MIPOL1: variants seen among roughly 807,000 people sequenced by gnomAD.
MIPOL1 encodes the protein mirror-image polydactyly gene 1 protein.
Under a neutral mutation model 60.9 loss-of-function variants are expected in MIPOL1, and 57 were observed. That is an observed-to-expected ratio of 0.94 (90% CI 0.76 to 1.17). The LOEUF (loss-of-function observed/expected upper bound fraction) is 1.17, where lower values mean the gene tolerates loss of function less well. Among genes scored for constraint, MIPOL1 ranks in the 50% most tolerant of loss-of-function variants. The pLI, the probability that MIPOL1 is intolerant of heterozygous loss-of-function variation, is 0.00. For synonymous variants in MIPOL1, 179 were observed against 168.8 expected (o/e 1.06, Z -0.47); for missense variants, 551 against 511.6 (o/e 1.08, Z -0.74).
In MIPOL1 at chr14:37,321,470, A is replaced by T. The variant is rs115649382; in HGVS notation, c.828+12951A>T. 1.9e-3 allele frequency among the ~76,000 whole-genome samples: 293 copies of T among 152,076 alleles called. 2 individuals are homozygous for T. The highest frequency in any genetic ancestry group is 6.6e-3 in the African/African-American group (276 of 41,550). ...AGAAAATATAAGCTATACTATTTCA[A>T]TCCTTAGAAATTTTTTGATACTTGC... is the stretch of plus-strand genomic sequence containing the variant. On this transcript the variant is annotated intron_variant, in intron 9 of 12. Coordinates refer to ENST00000684589, the MANE Select transcript of MIPOL1 (RefSeq NM_001388067.1).
At chr14:37,384,725 G>T (rs992988387) in intron 10 of MIPOL1, among the ~76,000 whole-genome samples, 2 of 151,870 alleles carry the variant, frequency 1.3e-5, no homozygotes, top group Non-Finnish European at 2.9e-5. Flanking sequence ...GAAATATAAA[G>T]AATTAATTTT....
At chr14:37,508,969 A>AT (rs1335976884) in intron 12 of MIPOL1, among the ~76,000 whole-genome samples, 1 of 151,660 alleles carries the variant, frequency 6.6e-6, no homozygotes, top group Non-Finnish European at 1.5e-5. Flanking sequence ...CTGTAGCACC[A>AT]TTTTTTTCTA....
At chr14:37,443,131 A>G (rs563075167) in intron 11 of MIPOL1, among the ~76,000 whole-genome samples, 1 of 152,304 alleles carries the variant, frequency 6.6e-6, no homozygotes, top group Admixed American at 6.5e-5. Flanking sequence ...ACATCTTGAA[A>G]TTTAGTAGAA....
At chr14:37,413,935 C>T (rs1199398365) in intron 10 of MIPOL1, among the ~76,000 whole-genome samples, 3 of 152,084 alleles carry the variant, frequency 2.0e-5, no homozygotes, top group African/African-American at 4.8e-5. Context: ...AGTATTTCTG[C>T]AACAAAATGT....
At chr14:37,495,955 G>T (rs368771489) in intron 11 of MIPOL1, among the ~76,000 whole-genome samples, 1 of 145,030 alleles carries the variant, frequency 6.9e-6, no homozygotes, top group Non-Finnish European at 1.5e-5. Context: ...CATGTCCTTC[G>T]CCCACTTTTT....
At chr14:37,430,727 G>A (rs1254008115) in intron 11 of MIPOL1, among the ~76,000 whole-genome samples, 1 of 152,070 alleles carries the variant, frequency 6.6e-6, no homozygotes, top group Non-Finnish European at 1.5e-5. Flanking sequence ...GTGAAGCACT[G>A]TGCAAAGGAG....
intron 4 of MIPOL1, among the ~76,000 whole-genome samples, chr14:37,268,361 A>C (rs2083035071): frequency 6.6e-6 from 1 of 152,164 alleles, no homozygotes; most frequent in South Asian, 2.1e-4. Context: ...AGTAAATAGT[A>C]GAGATTGGGC....
chr14:37,425,096 A>T (rs1452028045), intron 11 of MIPOL1, among the ~76,000 whole-genome samples: 1 of 152,218 alleles, frequency 6.6e-6, no homozygotes, highest in African/African-American at 2.4e-5. Context: ...CTGACCATGG[A>T]CATTGCAATG....
intron 9 of MIPOL1, among the ~76,000 whole-genome samples, chr14:37,314,930 G>A (rs1171066168): frequency 6.6e-6 from 1 of 152,118 alleles, no homozygotes; most frequent in Non-Finnish European, 1.5e-5. Context: ...GTTATGTGCT[G>A]TGTGTTGGGA....
At chr14:37,465,018 C>G (rs1216917666) in intron 11 of MIPOL1, among the ~76,000 whole-genome samples, 4 of 152,062 alleles carry the variant, frequency 2.6e-5, no homozygotes, top group Non-Finnish European at 5.9e-5. Flanking sequence ...CTGGCCTCTC[C>G]CTTGTTCTGA....
intron 12 of MIPOL1, among the ~76,000 whole-genome samples, chr14:37,543,992 A>C (rs866449826): frequency 6.6e-6 from 1 of 152,240 alleles, no homozygotes; most frequent in African/African-American, 2.4e-5. Context: ...TGAAACATGC[A>C]TAAGAAGTAA....
intron 3 of MIPOL1, among the ~76,000 whole-genome samples, chr14:37,253,578 A>C (rs1974445873): frequency 1.3e-5 from 2 of 151,940 alleles, no homozygotes; most frequent in Admixed American, 6.6e-5. Context: ...AGGACTTTTA[A>C]GTAAATCGTG....
chr14:37,282,537 C>T (rs1399041828), intron 6 of MIPOL1, among the ~76,000 whole-genome samples: 2 of 151,086 alleles, frequency 1.3e-5, no homozygotes, highest in African/African-American at 2.4e-5. Context: ...CCCAGGAGTA[C>T]GAGACCAGCC....
intron 12 of MIPOL1, among the ~76,000 whole-genome samples, chr14:37,526,206 T>TG (rs1212836825): frequency 1.3e-4 from 19 of 151,864 alleles, no homozygotes; most frequent in Non-Finnish European, 5.9e-5. Flanking sequence ...CTTTTTTTTT[T>TG]TTTTTGGAAA....
At chr14:37,201,144 A>C (rs529758091) in intron 1 of MIPOL1, among the ~76,000 whole-genome samples, 13 of 151,730 alleles carry the variant, frequency 8.6e-5, no homozygotes, top group Non-Finnish European at 1.8e-4. Flanking sequence ...AGCTCAAGTG[A>C]TCCTCCTTCC....
At chr14:37,441,595 T>A (rs1032837414) in intron 11 of MIPOL1, among the ~76,000 whole-genome samples, 1 of 152,160 alleles carries the variant, frequency 6.6e-6, no homozygotes, top group African/African-American at 2.4e-5. Context: ...GATCTGTGTG[T>A]CTATTTTTGT....
intron 11 of MIPOL1, among the ~76,000 whole-genome samples, chr14:37,430,903 T>A (rs2094052232): frequency 1.3e-5 from 2 of 152,204 alleles, no homozygotes; most frequent in South Asian, 4.1e-4. Flanking sequence ...TTCACAATTT[T>A]CTGCGCCTTA....
chr14:37,341,203 C>T (rs1385341756), intron 9 of MIPOL1, among the ~76,000 whole-genome samples: 2 of 152,128 alleles, frequency 1.3e-5, no homozygotes, highest in Non-Finnish European at 2.9e-5. Flanking sequence ...ACAGACACAC[C>T]CAATGAGCAC....
intron 9 of MIPOL1, among the ~76,000 whole-genome samples, chr14:37,333,002 C>G (rs1189798237): frequency 6.6e-6 from 1 of 152,088 alleles, no homozygotes; most frequent in East Asian, 1.9e-4. Context: ...ATAGCAATAG[C>G]AGGTGGTTAT....
Sources: allele counts gnomAD v4.1 joint callset (sites outside exome capture counted in the v4.1 genomes callset), GRCh38; gene constraint gnomAD v4.1.1; transcripts MANE v1.5; gene names NCBI Gene and HGNC (gene_info 2026-07-23, HGNC 2026-07-21).